The following CA13 variants were observed in gnomAD, a reference collection of about 807,000 sequenced individuals.
CA13 encodes CA-XIII.
Under a neutral mutation model 31.5 loss-of-function variants are expected in CA13, and 21 were observed. That is an observed-to-expected ratio of 0.67 (90% CI 0.47 to 0.96). The LOEUF is 0.96. Ranked by LOEUF, CA13 falls within the 40% of genes least tolerant of loss-of-function variation. The probability of loss-of-function intolerance (pLI) is 0.00; values close to 1 mark genes in which losing one functional copy is unlikely to be tolerated. For synonymous variants in CA13, 117 were observed against 111.4 expected (o/e 1.05, Z -0.32); for missense variants, 315 against 318.9 (o/e 0.99, Z 0.09).
At chr8:85,257,370 A>T (rs2129963627) in intron 2 of CA13, among the ~76,000 whole-genome samples, 1 of 152,320 alleles carries the variant, frequency 6.6e-6, no homozygotes, top group East Asian at 1.9e-4. Context: ...AAGACAGCTG[A>T]CTACAGTGTA....
intron 6 of CA13, among the ~76,000 whole-genome samples, chr8:85,272,075 A>T (rs1298460296): frequency 2.0e-5 from 3 of 152,168 alleles, no homozygotes; most frequent in Non-Finnish European, 4.4e-5. Context: ...CTCAAAATAA[A>T]TAAATAAAAG....
At chr8:85,259,380 A>G (rs750107928) in intron 2 of CA13, 41 bp from the exon 3 acceptor site, 1 of 1,522,226 alleles carries the variant, frequency 6.6e-7, no homozygotes, top group Non-Finnish European at 9.1e-7. Flanking sequence ...TTATGTAAAT[A>G]TTTTTTCCTT....
chr8:85,245,736 C>T lies in CA13; in HGVS notation c.-93C>T. 1.4e-6 allele frequency: 2 copies of T among 1,474,246 alleles called. No individual in the cohort carries two copies. Among genetic ancestry groups the T allele is most frequent in the Non-Finnish European group, 1.9e-6 (2 of 1,057,000 alleles). The allele number at this position is 1,474,246 out of a possible 1,614,324, so 91.3% of individuals were successfully genotyped here. On this transcript the variant is annotated 5_prime_UTR_variant, in exon 1 of 7. Transcript: ENST00000321764. ...TCCTGCCGCCGGCGCCCCGCGGTCC[C>T]GCCCTAGCAGGCTCCTTCCCGGGCC...
chr8:85,250,308 CCTTT>C (rs1483409933), intron 1 of CA13, among the ~76,000 whole-genome samples: 1 of 152,108 alleles, frequency 6.6e-6, no homozygotes, highest in Non-Finnish European at 1.5e-5. Context: ...AGAATGACAC[CCTTT>C]CTTTGCTTCA....
rs532137516 is a variant in CA13, at chr8:85,253,191, C to T, written c.235+2254C>T. Among the ~76,000 whole-genome samples the T allele has an allele frequency of 4.1e-3, 620 of 152,220 alleles. 5 individuals carry two copies. Among genetic ancestry groups the T allele is most frequent in the African/African-American group, 0.014 (578 of 41,542 alleles). On this transcript the variant is annotated intron_variant, in intron 2 of 6. Transcript: ENST00000321764. ...AACTCCCGACCTCAGGTGATCCGCCCGCCTCGGCCTCCCAAAGTGCTGGGA... is the reference window on the plus strand; with the variant it reads ...AACTCCCGACCTCAGGTGATCCGCCTGCCTCGGCCTCCCAAAGTGCTGGGA...
chr8:85,265,252 T>C (rs183554851), intron 3 of CA13, among the ~76,000 whole-genome samples: 202 of 152,308 alleles, frequency 1.3e-3, no homozygotes, highest in Non-Finnish European at 1.9e-3. Flanking sequence ...ATCAGGTCCT[T>C]GGACACCATG....
chr8:85,253,684 TCTTTCAAC>T (rs1392855266), intron 2 of CA13, among the ~76,000 whole-genome samples: 6 of 152,210 alleles, frequency 3.9e-5, no homozygotes, highest in Non-Finnish European at 8.8e-5. Flanking sequence ...CAACTATATT[TCTTTCAAC>T]CCCTCAGTTT....
At chr8:85,250,400 C>G (rs1813805487) in intron 1 of CA13, among the ~76,000 whole-genome samples, 1 of 152,172 alleles carries the variant, frequency 6.6e-6, no homozygotes, top group East Asian at 1.9e-4. Flanking sequence ...GGAGCTGAGA[C>G]TGAATGTCAT....
chr8:85,249,038 C>G (rs1222345246), intron 1 of CA13, among the ~76,000 whole-genome samples: 4 of 152,200 alleles, frequency 2.6e-5, no homozygotes, highest in Non-Finnish European at 2.9e-5. Flanking sequence ...GCAAGGACTT[C>G]TGATGCTCAA....
At chr8:85,277,984 C>G (rs1807639887) in intron 6 of CA13, among the ~76,000 whole-genome samples, 1 of 151,962 alleles carries the variant, frequency 6.6e-6, no homozygotes, top group Non-Finnish European at 1.5e-5. Context: ...CTTAAACTTT[C>G]AGGCCCCGGG....
chr8:85,258,789 G>T (rs1342809456), intron 2 of CA13, among the ~76,000 whole-genome samples: 1 of 63,172 alleles, frequency 1.6e-5, no homozygotes, highest in African/African-American at 5.6e-5. Flanking sequence ...AAAAAAAAAA[G>T]GGCTGAGTGT....
intron 6 of CA13, among the ~76,000 whole-genome samples, chr8:85,273,308 A>G (rs1807552483): frequency 6.6e-6 from 1 of 152,122 alleles, no homozygotes; most frequent in South Asian, 2.1e-4. Flanking sequence ...GATTTTGAAC[A>G]TTTTTTGTAT....
intron 4 of CA13, among the ~76,000 whole-genome samples, 196 bp downstream of exon 4, chr8:85,266,899 C>G (rs972558480): frequency 5.3e-5 from 8 of 152,152 alleles, no homozygotes; most frequent in Non-Finnish European, 7.4e-5. Context: ...GTCCATTGAT[C>G]ATTTTTATGT....
rs373336497 is a variant in CA13, at chr8:85,265,847, A to G, written c.355-761A>G. On this transcript the variant is annotated intron_variant, in intron 3 of 6. Transcript: ENST00000321764. ...AATAAAAAAGTTTGAATGCTACTTA[A>G]CATGATTACATGATTACTCATAAGG... Among the ~76,000 whole-genome samples the G allele has an allele frequency of 1.7e-4, 26 of 152,368 alleles. No individual in the cohort carries two copies. The East Asian group carries it at 4.4e-3, about 26-fold the overall frequency.
chr8:85,272,879 G>A lies in CA13; in HGVS notation c.669+4252G>A, dbSNP rs534502990. Among the ~76,000 whole-genome samples the A allele has an allele frequency of 1.0e-3, 156 of 152,236 alleles. 1 individual carries two copies. Among genetic ancestry groups the A allele is most frequent in the African/African-American group, 3.4e-3 (141 of 41,530 alleles). On this transcript the variant is annotated intron_variant, in intron 6 of 6. Transcript: ENST00000321764. The stretch of plus-strand genomic sequence containing the variant: ...GTTGCCCAGGCTGGAGTGCAGTGGT[G>A]TGATCTTGGTTCACTGTAACCACCA...
Position 85,250,836 on chromosome 8 carries a change from T to C in CA13, c.134T>C (p.Leu45Pro), listed in dbSNP as rs751380333. 2 of 1,613,970 alleles carry C rather than the reference T, an allele frequency of 1.2e-6. No homozygotes were observed. Among genetic ancestry groups the C allele is most frequent in the Non-Finnish European group, 1.7e-6 (2 of 1,179,890 alleles). Residue 45 changes from leucine to proline, a missense_variant, in exon 2 of 7, where the codon CTC becomes CCC. By Grantham distance (98) the Leu-to-Pro change is moderately conservative (BLOSUM62 -3). Coordinates refer to ENST00000321764, the MANE Select transcript of CA13 (RefSeq NM_198584.3). ...KTKEVKYDSS[L>P]RPLSIKYDPS... is the part of the protein sequence containing the mutation. ...AAAGAAGTGAAATATGACTCTTCCC[T>C]CCGACCACTTAGTATCAAGTATGAC...
At chr8:85,272,023 G>A (rs926980381) in intron 6 of CA13, among the ~76,000 whole-genome samples, 8 of 152,042 alleles carry the variant, frequency 5.3e-5, no homozygotes, top group African/African-American at 1.7e-4. Flanking sequence ...AGCCCATATT[G>A]CGCCGCTGTA....
intron 6 of CA13, among the ~76,000 whole-genome samples, chr8:85,276,242 T>C (rs1807604662): frequency 1.3e-5 from 2 of 152,148 alleles, no homozygotes; most frequent in South Asian, 4.1e-4. Context: ...TCGCCCGGCC[T>C]TAGCTGCCTT....
chr8:85,266,615 T>G lies in CA13; in HGVS notation c.362T>G (p.Val121Gly), dbSNP rs759200214. ...DGVSYAAELH[V>G]VHWNSDKYPS... ...TGTATATCTCCCTTTCAGCTCCATG[T>G]TGTTCACTGGAATTCAGACAAATAC... is the stretch of plus-strand genomic sequence containing the variant. Residue 121 changes from valine to glycine, a missense_variant, in exon 4 of 7, where the codon GTT (valine) becomes GGT (glycine). Coordinates refer to ENST00000321764, the MANE Select transcript of CA13 (RefSeq NM_198584.3). 11 of 1,613,260 alleles carry G rather than the reference T, an allele frequency of 6.8e-6. No individual in the cohort carries two copies. Among genetic ancestry groups the G allele is most frequent in the Non-Finnish European group, 8.5e-6 (10 of 1,179,294 alleles).
Sources: allele counts gnomAD v4.1 joint callset (sites outside exome capture counted in the v4.1 genomes callset), GRCh38; gene constraint gnomAD v4.1.1; transcripts MANE v1.5; gene names NCBI Gene and HGNC (gene_info 2026-07-23, HGNC 2026-07-21).